The following BFSP2 variants were observed in gnomAD, a reference collection of about 807,000 sequenced individuals.
BFSP2 encodes beaded filament structural protein 2.
BFSP2 carries 38 observed loss-of-function variants against 44.9 expected under a neutral mutation model. That is an observed-to-expected ratio of 0.85 (90% CI 0.65 to 1.11). The LOEUF is 1.11. Ranked by LOEUF, BFSP2 falls within the 50% of genes least tolerant of loss-of-function variation. The probability of loss-of-function intolerance (pLI) is 0.00; values close to 1 mark genes in which losing one functional copy is unlikely to be tolerated. For synonymous variants in BFSP2, 197 were observed against 209.9 expected (o/e 0.94, Z 0.53); for missense variants, 525 against 533.0 (o/e 0.99, Z 0.15).
intron 1 of BFSP2, among the ~76,000 whole-genome samples, chr3:133,417,488 C>T (rs2073549559): frequency 1.5e-4 from 20 of 133,622 alleles, no homozygotes; most frequent in African/African-American, 2.6e-4. Context: ...TCTACTCACC[C>T]CTGCCCTCTC....
chr3:133,412,189 C>T (rs968117729), intron 1 of BFSP2: 3 of 152,120 alleles, frequency 2.0e-5, no homozygotes, highest in Non-Finnish European at 2.9e-5. Context: ...ACAAAATAGG[C>T]CACGTGCTTA....
chr3:133,443,597 T>G (rs1483809741), intron 1 of BFSP2, among the ~76,000 whole-genome samples: 1 of 152,226 alleles, frequency 6.6e-6, no homozygotes, highest in African/African-American at 2.4e-5. Flanking sequence ...TACGGTGGCC[T>G]TGTTATTAAG....
chr3:133,425,753 G>T (rs931746720), intron 1 of BFSP2, among the ~76,000 whole-genome samples: 3 of 127,492 alleles, frequency 2.4e-5, no homozygotes, highest in African/African-American at 1.0e-4. Flanking sequence ...AATCTAAGCA[G>T]GACAAAGGGA....
chr3:133,448,662 G>A lies in BFSP2; in HGVS notation c.729+17G>A, dbSNP rs1343492327. ...TATGAAGAGGTAGGAGGGGGCTGGG[G>A]TTGCTGGGTTGGCCACAAGACCAGA... On this transcript the variant is annotated intron_variant, in intron 3 of 6. Transcript: ENST00000302334. The A allele has an allele frequency of 1.9e-6, 3 of 1,612,408 alleles. No individual in the cohort carries two copies. The highest frequency in any genetic ancestry group is 3.3e-5 in the Admixed American group (2 of 59,904).
chr3:133,472,254 A>G (rs1329728692), intron 5 of BFSP2, 91 bp from the exon 6 acceptor site: 21 of 1,392,968 alleles, frequency 1.5e-5, no homozygotes, highest in Non-Finnish European at 2.0e-5. Flanking sequence ...AGTCCAGGCT[A>G]CCACCAGCCC....
At chr3:133,432,561 C>G (rs528826326) in intron 1 of BFSP2, among the ~76,000 whole-genome samples, 2 of 152,252 alleles carry the variant, frequency 1.3e-5, no homozygotes, top group Admixed American at 1.3e-4. Context: ...CTGCTTCTCA[C>G]CTTATTCAAT....
intron 4 of BFSP2, among the ~76,000 whole-genome samples, chr3:133,460,690 T>C (rs533388191): frequency 6.6e-6 from 1 of 152,352 alleles, no homozygotes; most frequent in East Asian, 1.9e-4. Context: ...GTGCCCTCCT[T>C]GTGGGATTCT....
At chr3:133,448,897 T>G in intron 3 of BFSP2, 1 of 508,160 alleles carries the variant, frequency 2.0e-6, no homozygotes, top group Non-Finnish European at 3.5e-6. Flanking sequence ...GTCTTGGCAC[T>G]AGCAAATGAG....
At chr3:133,472,905 T>G (rs1354003722) in intron 6 of BFSP2, among the ~76,000 whole-genome samples, 2 of 151,994 alleles carry the variant, frequency 1.3e-5, no homozygotes, top group Non-Finnish European at 2.9e-5. Flanking sequence ...AATGAGGCTA[T>G]AAACCAGTGC....
intron 1 of BFSP2, among the ~76,000 whole-genome samples, chr3:133,425,928 AG>A (rs2107898999): frequency 2.2e-4 from 2 of 9,230 alleles, no homozygotes; most frequent in Non-Finnish European, 4.1e-4. Context: ...AGGGAAGGCT[AG>A]GGAAGGCAAG....
At chr3:133,434,880 C>G (rs922837605) in intron 1 of BFSP2, among the ~76,000 whole-genome samples, 3 of 152,058 alleles carry the variant, frequency 2.0e-5, no homozygotes. Flanking sequence ...TCTCCCTTCG[C>G]TGACTCTTTT....
Position 133,400,310 on chromosome 3 carries a change from G to T in BFSP2, c.227G>T (p.Arg76Leu), listed in dbSNP as rs142499840. 4 of 1,613,876 alleles carry T rather than the reference G, an allele frequency of 2.5e-6. No individual in the cohort carries two copies. Among genetic ancestry groups the T allele is most frequent in the Non-Finnish European group, 1.7e-6 (2 of 1,180,040 alleles). ...IGGLGARVTR[R>L]ALGISSVFLQ... ...GGCTTGGGTGCCCGTGTGACCCGCC[G>T]GGCCCTCGGCATCAGCAGTGTCTTC... The change falls in exon 1 of 7, where the codon CGG (arginine) becomes CTG (leucine). Residue 76 changes from arginine to leucine, a missense_variant. Physicochemically the swap from Arg to Leu is moderately radical, Grantham distance 102 (BLOSUM62 -2). Transcript: ENST00000302334. The surrounding 1 kb of genome is among the most constrained non-coding windows in gnomAD (Gnocchi z 4.0).
chr3:133,455,253 T>A (rs1167812276), intron 4 of BFSP2: 1 of 152,280 alleles, frequency 6.6e-6, no homozygotes. Context: ...TAGACTTTTA[T>A]ATGACTGGCA....
intron 1 of BFSP2, among the ~76,000 whole-genome samples, chr3:133,436,548 G>A (rs1181719098): frequency 6.6e-6 from 1 of 152,102 alleles, no homozygotes; most frequent in Non-Finnish European, 1.5e-5. Context: ...AAAAGCATTT[G>A]GGTTTGACTT....
intron 1 of BFSP2, among the ~76,000 whole-genome samples, chr3:133,442,236 C>T (rs1233899630): frequency 6.6e-6 from 1 of 152,148 alleles, no homozygotes; most frequent in Non-Finnish European, 1.5e-5. Context: ...ACCTCCTGGC[C>T]TCAAGAGATC....
In BFSP2 at chr3:133,446,336, T is replaced by C. The variant is rs570308261; in HGVS notation, c.490-981T>C. On this transcript the variant is annotated intron_variant, in intron 1 of 6. Coordinates refer to ENST00000302334, the MANE Select transcript of BFSP2 (RefSeq NM_003571.4). ...CTCAGGAGGCTGAGGCACGAGAATA[T>C]CTTGAATCTGGGAGGCAGAGGTTGC... Among the ~76,000 whole-genome samples, 7 of 151,506 alleles carry C rather than the reference T, an allele frequency of 4.6e-5. No individual in the cohort carries two copies. In the South Asian group the frequency reaches 1.5e-3, roughly 32 times the overall value.
intron 4 of BFSP2, among the ~76,000 whole-genome samples, chr3:133,457,087 T>C (rs2107932527): frequency 6.6e-6 from 1 of 152,362 alleles, no homozygotes; most frequent in East Asian, 1.9e-4. Flanking sequence ...GATGACCTCT[T>C]GTGCTATTGC....
At chr3:133,418,080 A>C (rs1366553914) in intron 1 of BFSP2, among the ~76,000 whole-genome samples, 283 of 26,574 alleles carry the variant, frequency 0.011, no homozygotes, top group Middle Eastern at 0.026. Flanking sequence ...CTAGTCCCCC[A>C]TGCCCTCTCG....
chr3:133,435,317 A>T (rs978366778), intron 1 of BFSP2, among the ~76,000 whole-genome samples: 1 of 152,178 alleles, frequency 6.6e-6, no homozygotes, highest in East Asian at 1.9e-4. Context: ...TTTGCCCTCC[A>T]GAAAGTCAAC....
Sources: gnomAD v4.1 joint callset for allele counts (sites outside exome capture counted in the v4.1 genomes callset) on GRCh38, gnomAD v4.1.1 for gene constraint, Gnocchi (gnomAD v3.1) non-coding constraint, MANE v1.5 for transcripts, NCBI Gene and HGNC (gene_info 2026-07-23, HGNC 2026-07-21) for gene names.